GABBR2: variants seen among roughly 807,000 people sequenced by gnomAD.
GABBR2 encodes G-protein coupled receptor 51.
In GABBR2, 23 loss-of-function variants were observed where a neutral mutation model predicts 105.6. The ratio of observed to expected loss-of-function variants is 0.22; its 90% CI spans 0.16 to 0.31. GABBR2 has a LOEUF of 0.31. Ranked by LOEUF, GABBR2 falls within the 10% of genes least tolerant of loss-of-function variation. The pLI is 1.00. For synonymous variants in GABBR2, 478 were observed against 499.7 expected (o/e 0.96, Z 0.58); for missense variants, 734 against 1,245.5 (o/e 0.59, Z 6.18).
At chr9:98,299,954 C>T (rs1830442311) in intron 16 of GABBR2, among the ~76,000 whole-genome samples, 1 of 151,904 alleles carries the variant, frequency 6.6e-6, no homozygotes. Flanking sequence ...CCTTGATCTC[C>T]TAGGCTCAAG....
intron 1 of GABBR2, among the ~76,000 whole-genome samples, chr9:98,633,524 C>T (rs916094508): frequency 6.7e-6 from 1 of 150,238 alleles, no homozygotes; most frequent in African/African-American, 2.5e-5. Flanking sequence ...ACTTGGGAGG[C>T]TGAGGTAGGA....
intron 3 of GABBR2, among the ~76,000 whole-genome samples, chr9:98,529,550 A>G (rs1454882385): frequency 8.5e-5 from 13 of 152,214 alleles, no homozygotes; most frequent in Non-Finnish European, 2.9e-5. Context: ...GCCAATTTTA[A>G]ATTTTCCTTT....
intron 1 of GABBR2, among the ~76,000 whole-genome samples, chr9:98,654,317 T>C (rs1830150802): frequency 1.3e-5 from 2 of 152,202 alleles, no homozygotes; most frequent in Admixed American, 1.3e-4. Flanking sequence ...ATGGCCCATC[T>C]CGGCCCCAGC....
chr9:98,514,489 G>T, intron 3 of GABBR2, among the ~76,000 whole-genome samples: 1 of 150,230 alleles, frequency 6.7e-6, no homozygotes, highest in East Asian at 2.0e-4. Flanking sequence ...ATGAGTTCAT[G>T]TCCTTTGCAG....
intron 1 of GABBR2, among the ~76,000 whole-genome samples, chr9:98,641,978 T>G (rs1469964248): frequency 2.0e-5 from 3 of 151,534 alleles, no homozygotes; most frequent in African/African-American, 7.3e-5. Context: ...ATTCGAGGAG[T>G]GGTAAGAATG....
In GABBR2 at chr9:98,566,447, G is replaced by A. The variant is rs989391853; in HGVS notation, c.459+11488C>T. Among the ~76,000 whole-genome samples the A allele has an allele frequency of 7.9e-5, 12 of 152,176 alleles. 1 individual carries two copies. The highest frequency in any genetic ancestry group is 3.4e-3 in the Middle Eastern group (1 of 294). On this transcript the variant is annotated intron_variant, in intron 2 of 18. Coordinates refer to ENST00000259455, the MANE Select transcript of GABBR2 (RefSeq NM_005458.8). ...TCCCAGCACTTTGGAAGGCCGAGGC[G>A]GGCGGATCATGAGGTCAGAAGATCA...
chr9:98,405,633 C>T (rs1832476973), intron 8 of GABBR2, among the ~76,000 whole-genome samples: 1 of 152,152 alleles, frequency 6.6e-6, no homozygotes, highest in African/African-American at 2.4e-5. Context: ...GACCAAGTCC[C>T]TGATATAAAA....
At chr9:98,482,793 A>G (rs1481058308) in intron 4 of GABBR2, among the ~76,000 whole-genome samples, 1 of 152,096 alleles carries the variant, frequency 6.6e-6, no homozygotes, top group Non-Finnish European at 1.5e-5. Context: ...TCAATTCATC[A>G]TAATGAAACT....
At chr9:98,633,611 C>A (rs146461169) in intron 1 of GABBR2, among the ~76,000 whole-genome samples, 2 of 130,984 alleles carry the variant, frequency 1.5e-5, no homozygotes, top group African/African-American at 3.0e-5. Context: ...GCAACAAGAG[C>A]GCGAGACTCC....
chr9:98,484,744 TA>T (rs1827007018), intron 4 of GABBR2, among the ~76,000 whole-genome samples: 1 of 152,188 alleles, frequency 6.6e-6, no homozygotes, highest in Non-Finnish European at 1.5e-5. Flanking sequence ...ATTCAGGGGT[TA>T]GGGGAAAGGT....
chr9:98,628,945 T>C (rs748926950), intron 1 of GABBR2, among the ~76,000 whole-genome samples: 2 of 152,220 alleles, frequency 1.3e-5, no homozygotes, highest in African/African-American at 2.4e-5. Context: ...GTGTCCTTTA[T>C]AGGCCTTGCT....
chr9:98,665,199 G>C (rs1830317507), intron 1 of GABBR2, among the ~76,000 whole-genome samples: 1 of 152,132 alleles, frequency 6.6e-6, no homozygotes, highest in Admixed American at 6.5e-5. Context: ...AGCCTGGGAG[G>C]TCCAGGCTGC....
intron 1 of GABBR2, among the ~76,000 whole-genome samples, chr9:98,621,872 A>G (rs574107470): frequency 3.9e-5 from 6 of 152,360 alleles, no homozygotes; most frequent in East Asian, 1.9e-4. Flanking sequence ...TCTATACAAT[A>G]TATCAGTCAC....
At chr9:98,421,618 ACT>A (rs1477545259) in intron 7 of GABBR2, among the ~76,000 whole-genome samples, 2 of 152,224 alleles carry the variant, frequency 1.3e-5, no homozygotes, top group Admixed American at 1.3e-4. Flanking sequence ...TGAAAAAATT[ACT>A]GAGTCACTAA....
intron 7 of GABBR2, among the ~76,000 whole-genome samples, chr9:98,441,348 A>G (rs944816162): frequency 2.8e-4 from 42 of 149,452 alleles, no homozygotes; most frequent in Middle Eastern, 3.4e-3. Flanking sequence ...AACTCCTCTG[A>G]AGGAAGTTAT....
At chr9:98,652,826 C>T (rs1022585383) in intron 1 of GABBR2, among the ~76,000 whole-genome samples, 8 of 152,362 alleles carry the variant, frequency 5.3e-5, no homozygotes, top group Middle Eastern at 3.4e-3. Flanking sequence ...CAACCAGGCT[C>T]TGCAGTCAAT....
intron 1 of GABBR2, among the ~76,000 whole-genome samples, chr9:98,667,053 A>G (rs533440142): frequency 6.6e-6 from 1 of 152,304 alleles, no homozygotes; most frequent in South Asian, 2.1e-4. Flanking sequence ...TGACAAGAAC[A>G]CAAGAACACA....
chr9:98,414,292 G>A (rs763216786), intron 7 of GABBR2, among the ~76,000 whole-genome samples: 3 of 152,234 alleles, frequency 2.0e-5, no homozygotes, highest in Non-Finnish European at 4.4e-5. Flanking sequence ...GCTGAGCCGA[G>A]AGCAAGGGGG....
intron 1 of GABBR2, among the ~76,000 whole-genome samples, chr9:98,628,881 C>T (rs924999916): frequency 1.3e-5 from 2 of 152,310 alleles, no homozygotes; most frequent in African/African-American, 4.8e-5. Context: ...CACGCGCGTG[C>T]ACCTACCCCT....
Sources: allele counts gnomAD v4.1 joint callset (sites outside exome capture counted in the v4.1 genomes callset), GRCh38; gene constraint gnomAD v4.1.1; transcripts MANE v1.5; gene names NCBI Gene and HGNC (gene_info 2026-07-23, HGNC 2026-07-21).